RAG1: variants seen among roughly 807,000 people sequenced by gnomAD.
RAG1 encodes the protein recombination activating 1, also known as V(D)J recombination-activating protein 1.
In RAG1, 35 loss-of-function variants were observed where a neutral mutation model predicts 62.7. The ratio of observed to expected loss-of-function variants is 0.56; its 90% CI spans 0.43 to 0.74. RAG1 has a LOEUF of 0.74. Ranked by LOEUF, RAG1 falls within the 30% of genes least tolerant of loss-of-function variation. The probability of loss-of-function intolerance (pLI) is 0.00; values close to 1 mark genes in which losing one functional copy is unlikely to be tolerated. For missense variants in RAG1, 1,169 were observed against 1,278.6 expected, an observed-to-expected ratio of 0.91 and a Z score of 1.31; for synonymous variants, 461 against 470.3, an observed-to-expected ratio of 0.98 and a Z score of 0.26.
chr11:36,574,671 C>A lies in RAG1; in HGVS notation c.1367C>A (p.Ala456Asp), dbSNP rs201779957. Residue 456 changes from alanine (A) to aspartate (D), a missense_variant, in exon 2 of 2, where the codon GCC (alanine) becomes GAC (aspartate). Ala to Asp is a moderately radical substitution (Grantham distance 126). Around this residue, in one of 2 missense-constraint regions of RAG1, gnomAD observed 800 missense variants for 943.3 expected, o/e 0.85. Coordinates refer to ENST00000299440, the MANE Select transcript of RAG1 (RefSeq NM_000448.3). ...CACAGGCAAGCTGATGAGCTGGAGG[C>A]CATCATGCAGGGAAAGGGCTCTGGC... ...NEHRQADELE[A>D]IMQGKGSGLQ... 7.4e-5 allele frequency: 119 copies of A among 1,614,074 alleles called. No homozygotes were observed. The highest frequency in any genetic ancestry group is 3.3e-5 in the Admixed American group (2 of 60,012).
chr11:36,530,640 C>G (rs148874516), intron 2 of RAG1, among the ~76,000 whole-genome samples: 5 of 151,842 alleles, frequency 3.3e-5, no homozygotes, highest in Non-Finnish European at 7.4e-5. Context: ...TTTTTTCTAA[C>G]TTTTTATTAT....
chr11:36,517,793 A>G (rs1010775388), intron 1 of RAG1, among the ~76,000 whole-genome samples: 1 of 152,208 alleles, frequency 6.6e-6, no homozygotes, highest in Non-Finnish European at 1.5e-5. Flanking sequence ...TACTAAGTAG[A>G]ACATTGCTTT....
chr11:36,560,789 A>G (rs1850573140), intron 3 of RAG1, among the ~76,000 whole-genome samples: 1 of 152,038 alleles, frequency 6.6e-6, no homozygotes, highest in African/African-American at 2.4e-5. Context: ...CCTTTTCCCC[A>G]CTATAGGGAA....
At chr11:36,546,787 C>T (rs1037751345) in intron 3 of RAG1, among the ~76,000 whole-genome samples, 2 of 152,118 alleles carry the variant, frequency 1.3e-5, no homozygotes, top group African/African-American at 4.8e-5. Flanking sequence ...GACAAAATCT[C>T]TCAGCATTTG....
intron 2 of RAG1, among the ~76,000 whole-genome samples, chr11:36,520,801 C>T (rs999925815): frequency 5.9e-5 from 9 of 152,098 alleles, no homozygotes; most frequent in African/African-American, 4.8e-5. Context: ...AAGTTGATAG[C>T]TATTGGTTAT....
intron 2 of RAG1, among the ~76,000 whole-genome samples, chr11:36,523,289 T>C (rs868065287): frequency 6.6e-6 from 1 of 152,278 alleles, no homozygotes; most frequent in Middle Eastern, 3.4e-3. Context: ...GTGCTGTTCT[T>C]ATAATAGTGA....
Position 36,544,984 on chromosome 11 carries a change from C to T in RAG1, c.-412+8950C>T, listed in dbSNP as rs142797739. 3.9e-4 allele frequency among the ~76,000 whole-genome samples: 60 copies of T among 152,302 alleles called. 1 individual carries two copies. The highest frequency in any genetic ancestry group is 1.4e-3 in the African/African-American group (60 of 41,566). On this transcript the variant is annotated intron_variant and NMD_transcript_variant, in intron 3 of 9. Coordinates refer to the RAG1 transcript ENST00000534663. ...TTAAACCTCTTCTCTTTGTAAATTACCCAGTCTCAGGTAGTTCTTTATAGC... is the reference window on the plus strand; with the variant it reads ...TTAAACCTCTTCTCTTTGTAAATTATCCAGTCTCAGGTAGTTCTTTATAGC...
Position 36,573,295 on chromosome 11 carries a change from C to G in RAG1, c.-10C>G. On this transcript the variant is annotated 5_prime_UTR_variant, in exon 2 of 2. Coordinates refer to ENST00000299440, the MANE Select transcript of RAG1 (RefSeq NM_000448.3). ...ACTTGTTTTCATTGTTCTCAGGTAC[C>G]TCAGCCAGCATGGCAGCCTCTTTCC... 6.2e-7 allele frequency: 1 copy of G among 1,613,986 alleles called. No homozygotes were observed. The highest frequency in any genetic ancestry group is 8.5e-7 in the Non-Finnish European group (1 of 1,179,974).
intron 2 of RAG1, among the ~76,000 whole-genome samples, chr11:36,522,317 C>T (rs1490518881): frequency 6.6e-6 from 1 of 152,200 alleles, no homozygotes; most frequent in Non-Finnish European, 1.5e-5. Flanking sequence ...CCAACTGCTC[C>T]AGCCATGACT....
chr11:36,546,109 G>C (rs1354067654), intron 3 of RAG1, among the ~76,000 whole-genome samples: 1 of 152,224 alleles, frequency 6.6e-6, no homozygotes, highest in African/African-American at 2.4e-5. Flanking sequence ...ACTTGGTCCA[G>C]AGCTGAGTTC....
At chr11:36,534,064 A>C (rs1860292158) in intron 2 of RAG1, among the ~76,000 whole-genome samples, 1 of 152,078 alleles carries the variant, frequency 6.6e-6, no homozygotes. Flanking sequence ...GTTAAAAAAA[A>C]TATTGATCCC....
chr11:36,558,146 G>A (rs922047364), intron 3 of RAG1, among the ~76,000 whole-genome samples: 1 of 151,968 alleles, frequency 6.6e-6, no homozygotes, highest in Admixed American at 6.6e-5. Flanking sequence ...TACTTGATAT[G>A]ATTTCAGTTT....
chr11:36,560,695 G>A (rs1564984330), intron 3 of RAG1, among the ~76,000 whole-genome samples: 1 of 152,152 alleles, frequency 6.6e-6, no homozygotes, highest in Admixed American at 6.5e-5. Flanking sequence ...GGACCGTGGG[G>A]ACTGTGGGGG....
intron 1 of RAG1, among the ~76,000 whole-genome samples, chr11:36,514,013 G>A (rs1333823555): frequency 2.6e-5 from 4 of 152,214 alleles, no homozygotes; most frequent in Non-Finnish European, 5.9e-5. Flanking sequence ...AGAAGACATT[G>A]TAGCTTCTGT....
chr11:36,537,216 A>G (rs1046017269), downstream of RAG1, among the ~76,000 whole-genome samples: 1 of 152,192 alleles, frequency 6.6e-6, no homozygotes, highest in Admixed American at 6.5e-5. Flanking sequence ...ACAACCTAGT[A>G]TCTATAGTTA....
rs1850888966 is a variant in RAG1 at position 36,578,693 on chromosome 11, C to T, written c.*2257C>T. ...TTAATCAGATCACATTTTGATAAACCCTGGGAACATCTGGCTGCAGGAATT... is the reference window on the plus strand; with the variant it reads ...TTAATCAGATCACATTTTGATAAACTCTGGGAACATCTGGCTGCAGGAATT... On this transcript the variant is annotated 3_prime_UTR_variant, in exon 2 of 2. Transcript: ENST00000299440. The T allele has an allele frequency of 6.0e-6, 1 of 166,950 alleles. No homozygotes were observed. Among genetic ancestry groups the T allele is most frequent in the African/African-American group, 2.4e-5 (1 of 41,406 alleles). The allele number at this position is 166,950 out of a possible 1,614,324, so 10.3% of individuals were successfully genotyped here.
intron 1 of RAG1, among the ~76,000 whole-genome samples, chr11:36,516,568 T>C (rs1372007260): frequency 6.6e-6 from 1 of 152,186 alleles, no homozygotes; most frequent in Non-Finnish European, 1.5e-5. Context: ...GTGATCCACC[T>C]GCCTCGGCCT....
chr11:36,526,243 C>A (rs1860160734), intron 2 of RAG1, among the ~76,000 whole-genome samples: 1 of 121,408 alleles, frequency 8.2e-6, no homozygotes, highest in Non-Finnish European at 1.6e-5. Flanking sequence ...CCTCCCCCCA[C>A]CCCCGATAGG....
At chr11:36,526,005 T>G (rs1860156566) in intron 2 of RAG1, among the ~76,000 whole-genome samples, 1 of 152,202 alleles carries the variant, frequency 6.6e-6, no homozygotes, top group African/African-American at 2.4e-5. Context: ...ATTAACTGGG[T>G]TTTGAATATT....
Sources: gnomAD v4.1 joint callset for allele counts (sites outside exome capture counted in the v4.1 genomes callset) on GRCh38, gnomAD v4.1.1 for gene constraint, gnomAD v4.1.1 regional missense constraint, MANE v1.5 for transcripts, NCBI Gene and HGNC (gene_info 2026-07-23, HGNC 2026-07-21) for gene names.